Variants in TMEM120B observed in about 807,000 individuals in gnomAD.
TMEM120B encodes transmembrane protein 120B.
In TMEM120B, 31 loss-of-function variants were observed where a neutral mutation model predicts 55.5. The ratio of observed to expected loss-of-function variants is 0.56; its 90% confidence interval spans 0.42 to 0.75. The LOEUF (loss-of-function observed/expected upper bound fraction) is 0.75, where lower values mean the gene tolerates loss of function less well. Among genes scored for constraint, TMEM120B ranks in the 30% least tolerant of loss-of-function variants. TMEM120B has a pLI of 0.00. For synonymous variants in TMEM120B, 203 were observed against 176.3 expected (o/e 1.15, Z -1.20); for missense variants, 399 against 425.5 (o/e 0.94, Z 0.55).
At chr12:121,714,821 A>C (rs1435994873) in intron 1 of TMEM120B, among the ~76,000 whole-genome samples, 1 of 151,372 alleles carries the variant, frequency 6.6e-6, no homozygotes, top group Non-Finnish European at 1.5e-5. Flanking sequence ...CGGCCTCCCA[A>C]AGTGCTGGGA....
In TMEM120B at chr12:121,778,786, C is replaced by G. The variant is rs1874333911; in HGVS notation, c.*3064C>G. On this transcript the variant is annotated 3_prime_UTR_variant, in exon 12 of 12. Coordinates refer to ENST00000449592, the MANE Select transcript of TMEM120B (RefSeq NM_001080825.2). ...ACTGGGAGCCGACTGTTCTTCCCAT[C>G]CCAAGTCTCTGACACTGGGGGCTTT... 6.6e-6 allele frequency: 1 copy of G among 152,358 alleles called. No individual in the cohort carries two copies. The highest frequency in any genetic ancestry group is 6.5e-5 in the Admixed American group (1 of 15,284). The allele number at this position is 152,358 out of a possible 1,614,324, so 9.4% of individuals were successfully genotyped here.
At chr12:121,713,015 C>G in intron 1 of TMEM120B, 51 bp downstream of exon 1, 1 of 1,432,282 alleles carries the variant, frequency 7.0e-7, no homozygotes, top group Non-Finnish European at 9.3e-7. Context: ...GGTGCAGCGC[C>G]TTGCCCTTCC....
chr12:121,750,816 C>T (rs1161049649), intron 4 of TMEM120B, among the ~76,000 whole-genome samples: 3 of 137,940 alleles, frequency 2.2e-5, no homozygotes, highest in Non-Finnish European at 4.7e-5. Context: ...ATACACAACA[C>T]CCCACACCAA....
At chr12:121,765,445 T>G (rs1005525686) in intron 6 of TMEM120B, among the ~76,000 whole-genome samples, 2 of 152,154 alleles carry the variant, frequency 1.3e-5, no homozygotes, top group Non-Finnish European at 2.9e-5. Flanking sequence ...TTTTTTTTAC[T>G]AAGGACCTTT....
At chr12:121,725,324 C>T (rs1455507333) in intron 1 of TMEM120B, among the ~76,000 whole-genome samples, 2 of 152,184 alleles carry the variant, frequency 1.3e-5, no homozygotes, top group Admixed American at 6.6e-5. Context: ...GTGGTCCCTG[C>T]ACTGTCTGCA....
rs73229930 is a variant in TMEM120B, at chr12:121,776,873, C to T, written c.*1151C>T. The T allele has an allele frequency of 0.043, 6,538 of 151,964 alleles. 181 individuals are homozygous for T. Among genetic ancestry groups the T allele is most frequent in the Non-Finnish European group, 0.067 (4,584 of 67,980 alleles). The allele number at this position is 151,964 out of a possible 1,614,324, so 9.4% of individuals were successfully genotyped here. On this transcript the variant is annotated 3_prime_UTR_variant, in exon 12 of 12. Transcript: ENST00000449592. ...TGGCATCATAGGTCACTGTAGCCTCCGCCTCCAGGGCTCAAGGGATCCTCC... is the reference window on the plus strand; with the variant it reads ...TGGCATCATAGGTCACTGTAGCCTCTGCCTCCAGGGCTCAAGGGATCCTCC...
Position 121,761,693 on chromosome 12 carries a change from G to A in TMEM120B, c.506G>A (p.Cys169Tyr), listed in dbSNP as rs1239342581. The A allele has an allele frequency of 6.2e-7, 1 of 1,613,986 alleles. No homozygotes were observed. ...AACTTCCTGCTGGTGTGGTATTACTGCACCCTGACCATTCGGGAGAGCATT... is the reference window on the plus strand; with the variant it reads ...AACTTCCTGCTGGTGTGGTATTACTACACCCTGACCATTCGGGAGAGCATT... ...VFNFLLVWYY[C>Y]TLTIRESILI... is the part of the protein sequence containing the mutation. Residue 169 changes from cysteine to tyrosine, a missense_variant, in exon 6 of 12, where the codon TGC becomes TAC. Transcript: ENST00000449592.
At chr12:121,739,433 G>A (rs1872854839) in intron 1 of TMEM120B, among the ~76,000 whole-genome samples, 1 of 152,002 alleles carries the variant, frequency 6.6e-6, no homozygotes, top group Admixed American at 6.6e-5. Context: ...CCTTGAACAA[G>A]GTGGGGTTAG....
chr12:121,724,585 C>G (rs1894855447), intron 1 of TMEM120B, among the ~76,000 whole-genome samples: 1 of 148,480 alleles, frequency 6.7e-6, no homozygotes, highest in Non-Finnish European at 1.5e-5. Context: ...TGCAGGAGAC[C>G]AAAAAATAAT....
intron 1 of TMEM120B, among the ~76,000 whole-genome samples, chr12:121,740,188 A>G: frequency 6.6e-6 from 1 of 152,120 alleles, no homozygotes; most frequent in East Asian, 1.9e-4. Context: ...TTCTTACAAT[A>G]AAGAAAGCTA....
intron 1 of TMEM120B, among the ~76,000 whole-genome samples, chr12:121,726,140 C>T (rs570001944): frequency 5.3e-5 from 8 of 151,762 alleles, no homozygotes; most frequent in South Asian, 2.1e-4. Flanking sequence ...GAAGAGACAC[C>T]GGGGATCTTA....
intron 2 of TMEM120B, 78 bp from the exon 3 acceptor site, chr12:121,748,248 G>A (rs565042464): frequency 2.0e-5 from 22 of 1,103,862 alleles, no homozygotes; most frequent in South Asian, 1.8e-4. Flanking sequence ...GAAGGTGGGA[G>A]GCTGGGGCCC....
At position 121,748,308 on chromosome 12, in the gene TMEM120B, C is replaced by A. The variant is rs373404372; in HGVS notation, c.189-18C>A. On this transcript the variant is annotated intron_variant, in intron 2 of 11. Transcript: ENST00000449592. ...CTGAGTGACGCCCCTTCCCCTGTGC[C>A]TGCATCTCTGTCCGCAGGTGCAAAC... The A allele has an allele frequency of 6.3e-7, 1 of 1,597,572 alleles. No homozygotes were observed. The highest frequency in any genetic ancestry group is 8.6e-7 in the Non-Finnish European group (1 of 1,166,946).
At chr12:121,733,665 G>A (rs1380223618) in intron 1 of TMEM120B, among the ~76,000 whole-genome samples, 1 of 151,836 alleles carries the variant, frequency 6.6e-6, no homozygotes, top group Non-Finnish European at 1.5e-5. Flanking sequence ...AGCCTCCCAA[G>A]TAACTGGGAT....
At chr12:121,747,168 G>C (rs1286300305) in intron 2 of TMEM120B, among the ~76,000 whole-genome samples, 1 of 152,112 alleles carries the variant, frequency 6.6e-6, no homozygotes, top group Non-Finnish European at 1.5e-5. Flanking sequence ...AGGACTTTCT[G>C]AAAGTCACAA....
At chr12:121,720,763 C>A (rs1044763905) in intron 1 of TMEM120B, among the ~76,000 whole-genome samples, 1 of 152,092 alleles carries the variant, frequency 6.6e-6, no homozygotes, top group Non-Finnish European at 1.5e-5. Flanking sequence ...CAGCAAGAGG[C>A]ACAGCTCTAA....
At chr12:121,721,417 AT>A (rs1894785910) in intron 1 of TMEM120B, among the ~76,000 whole-genome samples, 1 of 150,828 alleles carries the variant, frequency 6.6e-6, no homozygotes, top group African/African-American at 2.4e-5. Context: ...GGCCTCAAGC[AT>A]TCCTCCCATC....
chr12:121,759,046 A>C (rs939700000), intron 5 of TMEM120B: 1 of 984,478 alleles, frequency 1.0e-6, no homozygotes, highest in African/African-American at 1.7e-5. Flanking sequence ...CAAAGTTTAC[A>C]GATGGTTTAA....
rs75589817 is a variant in TMEM120B, at chr12:121,747,853, G to T, written c.189-473G>T. Among the ~76,000 whole-genome samples, 12 of 2,644 alleles carry T rather than the reference G, an allele frequency of 4.5e-3. 1 individual carries two copies. The highest frequency in any genetic ancestry group is 6.8e-3 in the East Asian group (1 of 146). 1.7% of individuals were successfully genotyped at this position (2,644 alleles called of 152,430 possible). Reference sequence around the variant, plus strand: ...GGGAGGCTGGGGTAGAAGGCGGGAGGCTGGGGTAGAAGGTGGGAGGCACTG... The same window carrying T: ...GGGAGGCTGGGGTAGAAGGCGGGAGTCTGGGGTAGAAGGTGGGAGGCACTG... On this transcript the variant is annotated intron_variant, in intron 2 of 11. Coordinates refer to ENST00000449592, the MANE Select transcript of TMEM120B (RefSeq NM_001080825.2).
Sources: gnomAD v4.1 joint callset for allele counts (sites outside exome capture counted in the v4.1 genomes callset) on GRCh38, gnomAD v4.1.1 for gene constraint, MANE v1.5 for transcripts, NCBI Gene and HGNC (gene_info 2026-07-23, HGNC 2026-07-21) for gene names.